MEIS2: variants seen among roughly 807,000 people sequenced by gnomAD.
MEIS2 encodes the protein Meis homeobox 2.
A neutral mutation model predicts 58.6 loss-of-function variants in MEIS2; 9 were observed. The ratio of observed to expected loss-of-function variants is 0.15; its 90% CI spans 0.09 to 0.27. The LOEUF (loss-of-function observed/expected upper bound fraction) is 0.27, where lower values mean the gene tolerates loss of function less well. MEIS2 is among the 10% of genes least tolerant of loss of function. The pLI, the probability that MEIS2 is intolerant of heterozygous loss-of-function variation, is 1.00. For missense variants in MEIS2, 427 were observed against 635.0 expected (o/e 0.67, Z 3.52); for synonymous variants, 221 against 228.4 (o/e 0.97, Z 0.29).
At chr15:37,027,590 G>A (rs1327744791) in intron 8 of MEIS2, among the ~76,000 whole-genome samples, 1 of 151,858 alleles carries the variant, frequency 6.6e-6, no homozygotes, top group Non-Finnish European at 1.5e-5. Flanking sequence ...TTTATTCAAG[G>A]GTCCTCAATT....
intron 8 of MEIS2, among the ~76,000 whole-genome samples, chr15:37,007,697 TG>T (rs1433394197): frequency 6.6e-6 from 1 of 152,254 alleles, no homozygotes. Flanking sequence ...AATACACACT[TG>T]GGGACCACTG....
chr15:36,981,947 A>C (rs1595864361), intron 8 of MEIS2, among the ~76,000 whole-genome samples: 1 of 151,480 alleles, frequency 6.6e-6, no homozygotes, highest in Admixed American at 6.6e-5. Flanking sequence ...ATCCCCCAAA[A>C]CCCCCAAGTT....
chr15:37,098,379 GGAGAGAGAGAGAGAGAGAGAGAGAGA>G (rs534692479), intron 1 of MEIS2, 180 bp from the exon 2 acceptor site: 20 of 307,894 alleles, frequency 6.5e-5, no homozygotes, highest in Admixed American at 3.2e-4. Context: ...GAGGAGAGGG[GGAGAGAGAGAGAGAGAGAGAGAGAGA>G]GAGAGAGAGA....
chr15:36,925,261 C>A (rs959482834), intron 9 of MEIS2, among the ~76,000 whole-genome samples: 3 of 152,170 alleles, frequency 2.0e-5, no homozygotes, highest in African/African-American at 4.8e-5. Context: ...TGACTCCCAG[C>A]CTCAGGCAGA....
intron 8 of MEIS2, among the ~76,000 whole-genome samples, chr15:37,019,613 A>G (rs1205277986): frequency 6.6e-6 from 1 of 152,208 alleles, no homozygotes; most frequent in Non-Finnish European, 1.5e-5. Context: ...AGCCCCAAAG[A>G]GAAAGCAAAA....
intron 8 of MEIS2, among the ~76,000 whole-genome samples, chr15:37,001,219 T>C (rs1160816351): frequency 6.6e-6 from 1 of 152,202 alleles, no homozygotes; most frequent in Admixed American, 6.5e-5. Context: ...AGTATCTTCT[T>C]GGGCCTCTCT....
At chr15:37,063,678 G>A (rs1056020386) in intron 7 of MEIS2, among the ~76,000 whole-genome samples, 1 of 152,074 alleles carries the variant, frequency 6.6e-6, no homozygotes, top group Admixed American at 6.5e-5. Context: ...ACTTTTTTCT[G>A]TCTATCAATG....
At chr15:37,031,419 A>ATGTGTGTGTGTG (rs1330138116) in intron 8 of MEIS2, among the ~76,000 whole-genome samples, 5 of 30,540 alleles carry the variant, frequency 1.6e-4, no homozygotes, top group East Asian at 1.3e-3. Flanking sequence ...CCTCCCTTGC[A>ATGTGTGTGTGTG]TATGTGTGTG....
intron 7 of MEIS2, among the ~76,000 whole-genome samples, chr15:37,041,573 T>G (rs1045618313): frequency 3.3e-5 from 5 of 152,188 alleles, no homozygotes; most frequent in Non-Finnish European, 5.9e-5. Flanking sequence ...AGAGCAATAA[T>G]GAGAGTGTCT....
chr15:37,023,907 CTCTCTT>C (rs768055069), intron 8 of MEIS2, among the ~76,000 whole-genome samples: 72 of 115,942 alleles, frequency 6.2e-4, no homozygotes, highest in East Asian at 1.4e-3. Flanking sequence ...CTCCTTTTCT[CTCTCTT>C]TTTTTTTTTT....
At chr15:37,017,102 C>G (rs11638904) in intron 8 of MEIS2, among the ~76,000 whole-genome samples, 2,315 of 152,290 alleles carry the variant, frequency 0.015, 22 homozygotes, top group Non-Finnish European at 0.025. Flanking sequence ...GTACATTCCC[C>G]TCCAATCTCT....
At chr15:36,910,763 C>T (rs1000523074) in intron 9 of MEIS2, among the ~76,000 whole-genome samples, 4 of 152,110 alleles carry the variant, frequency 2.6e-5, no homozygotes, top group Non-Finnish European at 5.9e-5. Context: ...TTTTCTATCT[C>T]TTGCTGGGCG....
intron 8 of MEIS2, among the ~76,000 whole-genome samples, chr15:36,979,791 C>A (rs956083069): frequency 1.4e-5 from 2 of 146,228 alleles, no homozygotes; most frequent in African/African-American, 5.0e-5. Context: ...TATATAAAAA[C>A]CCCATACAAT....
At chr15:37,018,999 C>A (rs2061436657) in intron 8 of MEIS2, among the ~76,000 whole-genome samples, 1 of 152,140 alleles carries the variant, frequency 6.6e-6, no homozygotes, top group Non-Finnish European at 1.5e-5. Context: ...AGCTTCAAGC[C>A]AAGAGGACTA....
Position 37,093,670 on chromosome 15 carries a change from G to A in MEIS2, c.550C>T (p.Pro184Ser). Residue 184 changes from proline (P) to serine (S), a missense_variant, in exon 6 of 12, where the codon CCC becomes TCC. By Grantham distance (74) the Pro-to-Ser change is moderately conservative. Transcript: ENST00000561208. Reference protein sequence around the residue: ...RYISCLKGKMPIDLVIDERDG... With the variant: ...RYISCLKGKMSIDLVIDERDG... ...CTTTCATCAATGACGAGGTCGATGG[G>A]CATTTTCCCCTTCAAACAGCTAATG... 6.2e-7 allele frequency: 1 copy of A among 1,614,178 alleles called. No individual in the cohort carries two copies. The highest frequency in any genetic ancestry group is 8.5e-7 in the Non-Finnish European group (1 of 1,180,044).
intron 9 of MEIS2, among the ~76,000 whole-genome samples, chr15:36,912,562 T>C (rs1270413916): frequency 2.6e-5 from 4 of 152,150 alleles, no homozygotes; most frequent in African/African-American, 9.7e-5. Context: ...CCTTTTCCTT[T>C]CTTTTTTGAA....
intron 8 of MEIS2, among the ~76,000 whole-genome samples, chr15:36,972,055 A>G (rs2059588823): frequency 6.6e-6 from 1 of 152,254 alleles, no homozygotes; most frequent in Non-Finnish European, 1.5e-5. Context: ...CAATATAGTA[A>G]CAGAAACTAT....
At chr15:36,909,434 C>T (rs1301101371) in intron 9 of MEIS2, among the ~76,000 whole-genome samples, 1 of 152,066 alleles carries the variant, frequency 6.6e-6, no homozygotes, top group Admixed American at 6.5e-5. Context: ...TCCTTCATCT[C>T]GGATATAACT....
chr15:37,051,863 T>C (rs2062933792), intron 7 of MEIS2, among the ~76,000 whole-genome samples: 2 of 152,290 alleles, frequency 1.3e-5, no homozygotes, highest in East Asian at 3.9e-4. Flanking sequence ...TTTCTTTAAC[T>C]TCATAAAGAT....
Sources: gnomAD v4.1 joint callset for allele counts (sites outside exome capture counted in the v4.1 genomes callset) on GRCh38, gnomAD v4.1.1 for gene constraint, MANE v1.5 for transcripts, NCBI Gene and HGNC (gene_info 2026-07-23, HGNC 2026-07-21) for gene names.